Variants in SNX4 observed in about 807,000 individuals in gnomAD.
SNX4 encodes sorting nexin 4.
In SNX4, 49 loss-of-function variants were observed where a neutral mutation model predicts 70.8. That is an observed-to-expected ratio of 0.69 (90% confidence interval 0.55 to 0.88). The LOEUF is 0.88. Among genes scored for constraint, SNX4 ranks in the 40% least tolerant of loss-of-function variants. The pLI, the probability that SNX4 is intolerant of heterozygous loss-of-function variation, is 0.00. For synonymous variants in SNX4, 206 were observed against 183.8 expected, an observed-to-expected ratio of 1.12 and a Z score of -0.98; for missense variants, 528 against 544.8, an observed-to-expected ratio of 0.97 and a Z score of 0.31.
chr3:125,482,512 T>C (rs1364310722), intron 6 of SNX4, among the ~76,000 whole-genome samples: 1 of 152,038 alleles, frequency 6.6e-6, no homozygotes, highest in East Asian at 1.9e-4. Flanking sequence ...AGCATCATCA[T>C]CTCTCACCAG....
chr3:125,485,588 G>A (rs1288122788), intron 6 of SNX4, among the ~76,000 whole-genome samples: 7 of 152,086 alleles, frequency 4.6e-5, no homozygotes, highest in Non-Finnish European at 8.8e-5. Flanking sequence ...ATGAGCCACC[G>A]TGCCCGGCCT....
intron 13 of SNX4, among the ~76,000 whole-genome samples, chr3:125,451,005 C>T (rs529045715): frequency 6.6e-6 from 1 of 152,230 alleles, no homozygotes; most frequent in African/African-American, 2.4e-5. Flanking sequence ...GTGGCTCGCA[C>T]CTGTAATTGC....
At chr3:125,458,174 T>A (rs1325402859) in intron 10 of SNX4, among the ~76,000 whole-genome samples, 1 of 149,582 alleles carries the variant, frequency 6.7e-6, no homozygotes, top group East Asian at 2.0e-4. Context: ...TTAGGTATTT[T>A]TTTTTTTTTT....
At chr3:125,475,495 G>A (rs895427011) in intron 8 of SNX4, among the ~76,000 whole-genome samples, 1 of 152,164 alleles carries the variant, frequency 6.6e-6, no homozygotes, top group Non-Finnish European at 1.5e-5. Context: ...CTCCTGAGTA[G>A]CTGGGATTAT....
At chr3:125,450,615 G>C (rs1489441501) in intron 13 of SNX4, among the ~76,000 whole-genome samples, 3 of 152,156 alleles carry the variant, frequency 2.0e-5, no homozygotes, top group African/African-American at 4.8e-5. Flanking sequence ...TTATAAAAAA[G>C]AGGTTAAGGA....
At chr3:125,519,166 CTT>C (rs1054858175) in intron 1 of SNX4, among the ~76,000 whole-genome samples, 3 of 152,096 alleles carry the variant, frequency 2.0e-5, no homozygotes, top group African/African-American at 7.2e-5. Flanking sequence ...CAAAAGGAGA[CTT>C]TGGGCAGGGT....
At chr3:125,457,572 C>CTTTTTTTTT (rs1005344428) in intron 10 of SNX4, among the ~76,000 whole-genome samples, 7 of 110,434 alleles carry the variant, frequency 6.3e-5, no homozygotes, top group South Asian at 3.2e-4. Flanking sequence ...TTCATATATT[C>CTTTTTTTTT]TTTTTTTTTT....
chr3:125,500,382 G>C (rs1296911243), intron 2 of SNX4, among the ~76,000 whole-genome samples: 3 of 152,034 alleles, frequency 2.0e-5, no homozygotes, highest in Admixed American at 1.3e-4. Flanking sequence ...CAATGAAGAA[G>C]AACACATACA....
intron 8 of SNX4, among the ~76,000 whole-genome samples, chr3:125,474,907 T>C (rs564639557): frequency 1.3e-5 from 2 of 152,212 alleles, no homozygotes; most frequent in East Asian, 1.9e-4. Flanking sequence ...CCAAGCTTAA[T>C]TGGGTTCCAG....
chr3:125,454,146 T>C (rs1933650335), intron 11 of SNX4, among the ~76,000 whole-genome samples, 191 bp from the exon 12 acceptor site: 1 of 152,232 alleles, frequency 6.6e-6, no homozygotes, highest in Non-Finnish European at 1.5e-5. Context: ...ATTCCACTTA[T>C]ATGAGACACC....
At chr3:125,503,162 C>T (rs989415546) in intron 2 of SNX4, among the ~76,000 whole-genome samples, 3 of 152,098 alleles carry the variant, frequency 2.0e-5, no homozygotes, top group African/African-American at 7.2e-5. Context: ...CTGCCTTGGC[C>T]TCCCAAAGTG....
chr3:125,455,629 A>G (rs1350122343), intron 11 of SNX4, among the ~76,000 whole-genome samples: 2 of 152,170 alleles, frequency 1.3e-5, no homozygotes, highest in African/African-American at 4.8e-5. Flanking sequence ...TAGTTTATAC[A>G]TGTGTCCTGG....
In SNX4 at chr3:125,453,990, A is replaced by G. The variant is rs770999147; in HGVS notation, c.1045-35T>C. ...AACAGAAACAGATGAATGGATAAACAAAATGCGGCATACACATACACATAC... is the reference window on the plus strand; with the variant it reads ...AACAGAAACAGATGAATGGATAAACGAAATGCGGCATACACATACACATAC... On this transcript the variant is annotated intron_variant, in intron 11 of 13. Coordinates refer to ENST00000251775, the MANE Select transcript of SNX4 (RefSeq NM_003794.4). 3 of 1,584,868 alleles carry G rather than the reference A, an allele frequency of 1.9e-6. No homozygotes were observed. The South Asian group carries it at 3.4e-5, about 18-fold the overall frequency.
chr3:125,457,473 G>T, intron 10 of SNX4, 108 bp from the exon 11 acceptor site: 1 of 702,164 alleles, frequency 1.4e-6, no homozygotes. Flanking sequence ...GGCAGAATGT[G>T]TGTGCCCAGA....
At chr3:125,502,514 A>C (rs1442342961) in intron 2 of SNX4, among the ~76,000 whole-genome samples, 1 of 152,200 alleles carries the variant, frequency 6.6e-6, no homozygotes, top group African/African-American at 2.4e-5. Context: ...AGGGTTCAGC[A>C]CTAAGGCAAG....
chr3:125,462,052 A>T (rs1373497541), intron 9 of SNX4, among the ~76,000 whole-genome samples: 3 of 152,180 alleles, frequency 2.0e-5, no homozygotes, highest in Non-Finnish European at 4.4e-5. Flanking sequence ...ATTTGTACAG[A>T]ATGTGATGGC....
At chr3:125,449,367 T>C (rs2107837365) in intron 13 of SNX4, 1 of 150,964 alleles carries the variant, frequency 6.6e-6, no homozygotes, top group Non-Finnish European at 1.5e-5. Flanking sequence ...TGTAGTGAGC[T>C]GAGATCATGC....
At chr3:125,484,692 T>C (rs974508908) in intron 6 of SNX4, among the ~76,000 whole-genome samples, 7 of 152,090 alleles carry the variant, frequency 4.6e-5, no homozygotes, top group Admixed American at 4.6e-4. Context: ...TTCTCTCCAA[T>C]CTTAAAGGCA....
intron 2 of SNX4, among the ~76,000 whole-genome samples, chr3:125,499,934 C>T (rs1352118506): frequency 6.6e-6 from 1 of 152,064 alleles, no homozygotes; most frequent in Non-Finnish European, 1.5e-5. Flanking sequence ...GTGGCAGGTG[C>T]CTGTAATCCC....
Sources: gnomAD v4.1 joint callset for allele counts (sites outside exome capture counted in the v4.1 genomes callset) on GRCh38, gnomAD v4.1.1 for gene constraint, MANE v1.5 for transcripts, NCBI Gene and HGNC (gene_info 2026-07-23, HGNC 2026-07-21) for gene names.